The following MAN2B2 variants were observed in gnomAD, a reference collection of about 807,000 sequenced individuals.
MAN2B2 encodes epididymis-specific alpha-mannosidase.
In MAN2B2, 106 loss-of-function variants were observed where a neutral mutation model predicts 117.1. The ratio of observed to expected loss-of-function variants is 0.90; its 90% confidence interval spans 0.77 to 1.06. The LOEUF (loss-of-function observed/expected upper bound fraction) is 1.06. Among genes scored for constraint, MAN2B2 ranks in the 50% least tolerant of loss-of-function variants. MAN2B2 has a pLI of 0.00. For missense variants in MAN2B2, 1,326 were observed against 1,381.4 expected (o/e 0.96, Z 0.64); for synonymous variants, 544 against 595.1 (o/e 0.91, Z 1.25).
At chr4:6,619,561 G>T in intron 17 of MAN2B2, 1 of 214,336 alleles carries the variant, frequency 4.7e-6, no homozygotes, top group South Asian at 6.6e-5. Flanking sequence ...GGGGGATGGG[G>T]TAACTGTGGC....
chr4:6,601,275 G>C (rs973199797), intron 10 of MAN2B2, among the ~76,000 whole-genome samples: 1 of 152,182 alleles, frequency 6.6e-6, no homozygotes, highest in Admixed American at 6.5e-5. Context: ...AGGCTGAAGC[G>C]GGTGGATCAC....
rs780124572 is a variant in MAN2B2 at position 6,621,287 on chromosome 4, C to G, written c.*2C>G. On this transcript the variant is annotated 3_prime_UTR_variant, in exon 19 of 19. Coordinates refer to ENST00000285599, the MANE Select transcript of MAN2B2 (RefSeq NM_015274.3). ...TTTATTCACTTTCAACAGCAGTGAG[C>G]CCTGGGCAGATGCCCCGGCCCCAGG... 6.2e-7 allele frequency: 1 copy of G among 1,612,954 alleles called. No homozygotes were observed. Among genetic ancestry groups the G allele is most frequent in the South Asian group, 1.1e-5 (1 of 91,020 alleles).
intron 17 of MAN2B2, 112 bp downstream of exon 17, chr4:6,617,604 G>A (rs536329973): frequency 1.6e-5 from 24 of 1,543,294 alleles, no homozygotes; most frequent in African/African-American, 2.7e-5. Flanking sequence ...CCAAATGGAC[G>A]CTGGTATGGG....
chr4:6,589,122 C>G lies in MAN2B2; in HGVS notation c.642C>G (p.Tyr214Ter). The G allele has an allele frequency of 6.2e-7, 1 of 1,614,234 alleles. No individual in the cohort carries two copies. Among genetic ancestry groups the G allele is most frequent in the South Asian group, 1.1e-5 (1 of 91,090 alleles). ...QEIFTHIMDQ[Y>*]SYCTPSHIPF... Reference sequence around the variant, plus strand: ...TCTTCACGCACATCATGGACCAGTACAGCTACTGCACCCCGTCCCACATCC... The same window carrying G: ...TCTTCACGCACATCATGGACCAGTAGAGCTACTGCACCCCGTCCCACATCC... Residue 214 changes from tyrosine (Y) to a stop codon, truncating the protein, a stop_gained, in exon 5 of 19, where the codon TAC becomes TAG. Transcript: ENST00000285599. LOFTEE classifies it high-confidence loss of function.
rs1560104557 is a variant in MAN2B2 at position 6,619,837 on chromosome 4, C to T, written c.2815-90C>T. On this transcript the variant is annotated intron_variant, in intron 17 of 18. Transcript: ENST00000285599. ...CCTGGGCTCCTGAGGACACCGAGTT[C>T]GTGGTGTGTCTGCCCTGCTGCTGTC... is the stretch of plus-strand genomic sequence containing the variant. The T allele has an allele frequency of 2.9e-5, 33 of 1,151,960 alleles. No individual in the cohort carries two copies. In the South Asian group the frequency reaches 3.3e-4, roughly 12 times the overall value. The allele number at this position is 1,151,960 out of a possible 1,614,324, so 71.4% of individuals were successfully genotyped here.
At chr4:6,586,053 G>GTTTTTTTTTTTTTTTTTTTTTTTTTT (rs759999292) in intron 3 of MAN2B2, among the ~76,000 whole-genome samples, 4 of 143,926 alleles carry the variant, frequency 2.8e-5, no homozygotes, top group African/African-American at 7.7e-5. Context: ...TTTTCTTGTG[G>GTTTTTTTTTTTTTTTTTTTTTTTTTT]TTTTTTTTTT....
chr4:6,582,407 C>T (rs781322808), intron 3 of MAN2B2, among the ~76,000 whole-genome samples: 7 of 152,240 alleles, frequency 4.6e-5, no homozygotes, highest in Non-Finnish European at 1.0e-4. Context: ...GGCGCAATCT[C>T]GGCTCACTGC....
At chr4:6,576,847 C>A in intron 2 of MAN2B2, 123 bp downstream of exon 2, 2 of 1,085,188 alleles carry the variant, frequency 1.8e-6, no homozygotes, top group South Asian at 1.4e-5. Flanking sequence ...GGGCCAAAAC[C>A]CCACCGGGCT....
chr4:6,617,301 TA>T, intron 16 of MAN2B2, 78 bp from the exon 17 acceptor site: 1 of 1,072,180 alleles, frequency 9.3e-7, no homozygotes, highest in Non-Finnish European at 1.4e-6. Context: ...GCTGAGTGTG[TA>T]AAGCAGCGGG....
chr4:6,594,638 G>A lies in MAN2B2; in HGVS notation c.963G>A (p.Gln321=), dbSNP rs533100135. The A allele has an allele frequency of 1.2e-6, 2 of 1,613,644 alleles. No individual in the cohort carries two copies. The highest frequency in any genetic ancestry group is 1.7e-6 in the Non-Finnish European group (2 of 1,180,022). The change falls in exon 7 of 19, where the codon CAG becomes CAA. Residue 321 remains glutamine, a synonymous_variant. Transcript: ENST00000285599. ...SHAAELGVSV[Q]YATLGDYFRA... ...CTGCCGAGCTCGGTGTCTCGGTGCA[G>A]TATGCCACGCTGGGCGACTACTTCC...
intron 3 of MAN2B2, among the ~76,000 whole-genome samples, chr4:6,583,701 T>C (rs936673825): frequency 1.3e-5 from 2 of 152,198 alleles, no homozygotes; most frequent in Non-Finnish European, 2.9e-5. Context: ...GAAGTTTATT[T>C]AAAAAGGCTT....
Position 6,576,722 on chromosome 4 carries a change from C to T in MAN2B2, c.283C>T (p.Gln95Ter). Reference protein sequence around the residue: ...DGVASDQQKYQVRQLLEEGRL... With the variant: ...DGVASDQQKY ...CGTCGCCTCGGACCAGCAGAAATAC[C>T]AGGTAATGAGGTCACCAGGTGACAC... The change falls in exon 2 of 19, where the codon CAG becomes TAG. Residue 95 changes from glutamine to a stop codon, truncating the protein, a stop_gained and splice_region_variant. Transcript: ENST00000285599. LOFTEE classifies it high-confidence loss of function. The T allele has an allele frequency of 6.2e-7, 1 of 1,613,818 alleles. No homozygotes were observed. The highest frequency in any genetic ancestry group is 8.5e-7 in the Non-Finnish European group (1 of 1,179,918).
chr4:6,610,453 G>C (rs556133318), intron 13 of MAN2B2, among the ~76,000 whole-genome samples: 2 of 152,160 alleles, frequency 1.3e-5, no homozygotes, highest in Non-Finnish European at 2.9e-5. Context: ...CACCGCGCCC[G>C]GCCTCCAGAG....
At chr4:6,583,339 C>T (rs1726512734) in intron 3 of MAN2B2, among the ~76,000 whole-genome samples, 1 of 152,220 alleles carries the variant, frequency 6.6e-6, no homozygotes, top group African/African-American at 2.4e-5. Context: ...CATGTGACCT[C>T]TACCAGTTGC....
At position 6,609,857 on chromosome 4, in the gene MAN2B2, A is replaced by G. The variant is rs781555649; in HGVS notation, c.2066A>G (p.Gln689Arg). 6.2e-6 allele frequency: 10 copies of G among 1,613,996 alleles called. No individual in the cohort carries two copies. In the Admixed American group the frequency reaches 1.7e-4, roughly 27 times the overall value. The change falls in exon 13 of 19, where the codon CAG becomes CGG. Residue 689 changes from glutamine (Q) to arginine (R), a missense_variant. Transcript: ENST00000285599. ...AIRSRLTHVP[Q>R]GHDGELLCHR... is the part of the protein sequence containing the mutation. Reference sequence around the variant, plus strand: ...CGCTCCCGGCTCACCCATGTGCCGCAGGGCCATGACGGGGAGCTGCTCTGC... The same window carrying G: ...CGCTCCCGGCTCACCCATGTGCCGCGGGGCCATGACGGGGAGCTGCTCTGC...
chr4:6,614,146 G>A, intron 15 of MAN2B2, 72 bp from the exon 16 acceptor site: 1 of 1,566,204 alleles, frequency 6.4e-7, no homozygotes, highest in East Asian at 2.3e-5. Flanking sequence ...CATGTAATGT[G>A]CAGAGCTCTG....
intron 3 of MAN2B2, among the ~76,000 whole-genome samples, chr4:6,585,543 A>G (rs1726597637): frequency 6.6e-6 from 1 of 152,174 alleles, no homozygotes; most frequent in Non-Finnish European, 1.5e-5. Flanking sequence ...TGAATAAATG[A>G]ATGGTTGGGT....
intron 3 of MAN2B2, among the ~76,000 whole-genome samples, chr4:6,580,362 C>G (rs1216823993): frequency 6.6e-6 from 1 of 152,138 alleles, no homozygotes; most frequent in African/African-American, 2.4e-5. Flanking sequence ...CTGTGGCTCC[C>G]TGACTCCAGA....
At chr4:6,587,669 C>T (rs1417305888) in intron 4 of MAN2B2, among the ~76,000 whole-genome samples, 2 of 152,114 alleles carry the variant, frequency 1.3e-5, no homozygotes, top group African/African-American at 2.4e-5. Context: ...AGGCCTGGTA[C>T]CAGGCCCTAC....
Sources: gnomAD v4.1 joint callset for allele counts (sites outside exome capture counted in the v4.1 genomes callset) on GRCh38, gnomAD v4.1.1 for gene constraint, MANE v1.5 for transcripts, NCBI Gene and HGNC (gene_info 2026-07-23, HGNC 2026-07-21) for gene names.